Variants in IQGAP1 observed in about 807,000 individuals in gnomAD.
IQGAP1 encodes the protein IQ motif containing GTPase activating protein 1.
In IQGAP1, 66 loss-of-function variants were observed where a neutral mutation model predicts 215.6. The ratio of observed to expected loss-of-function variants is 0.31; its 90% CI spans 0.25 to 0.38. The LOEUF is 0.38. Ranked by LOEUF, IQGAP1 falls within the 10% of genes least tolerant of loss-of-function variation. IQGAP1 has a pLI of 1.00. For synonymous variants in IQGAP1, 772 were observed against 728.7 expected (o/e 1.06, Z -0.96); for missense variants, 1,712 against 1,997.1 (o/e 0.86, Z 2.72).
At chr15:90,391,135 G>C (rs1286396285) in intron 2 of IQGAP1, 2 of 308,474 alleles carry the variant, frequency 6.5e-6, no homozygotes, top group South Asian at 3.4e-5. Context: ...CTACTCGGGA[G>C]CCTGAGGAGG....
In IQGAP1 at chr15:90,499,960, ATGTTTTGTTT is replaced by A. The variant is rs58482365; in HGVS notation, c.4861-15_4861-6del. Reference sequence around the variant, plus strand: ...TCCACAGACTTGATTAACTGTCAAAATGTTTTGTTTTGTTTTGTTTTGTTTTGTTAATAGG... The same window carrying A: ...TCCACAGACTTGATTAACTGTCAAAATGTTTTGTTTTGTTTTGTTAATAGG... On this transcript the variant is annotated intron_variant, in intron 37 of 37. Coordinates refer to ENST00000268182, the MANE Select transcript of IQGAP1 (RefSeq NM_003870.4). The A allele has an allele frequency of 0.51, 598,269 of 1,166,462 alleles. 159,502 individuals carry two copies. The highest frequency in any genetic ancestry group is 0.57 in the Non-Finnish European group (443,642 of 778,352). The allele number at this position is 1,166,462 out of a possible 1,614,324, so 72.3% of individuals were successfully genotyped here. A position where few individuals can be genotyped will look rare whatever the true frequency, so the allele number is the denominator to read the frequency against.
intron 2 of IQGAP1, among the ~76,000 whole-genome samples, chr15:90,394,371 C>A (rs979505905): frequency 6.6e-6 from 1 of 152,012 alleles, no homozygotes; most frequent in South Asian, 2.1e-4. Context: ...TTGGAAGCAC[C>A]TATTTAGATT....
intron 2 of IQGAP1, among the ~76,000 whole-genome samples, chr15:90,395,330 T>C (rs963573431): frequency 6.6e-6 from 1 of 150,896 alleles, no homozygotes; most frequent in Non-Finnish European, 1.5e-5. Flanking sequence ...TGTTTTTTTG[T>C]TTTTTTTTGA....
At chr15:90,448,869 T>G (rs191910414) in intron 10 of IQGAP1, 133 bp downstream of exon 10, 1 of 788,006 alleles carries the variant, frequency 1.3e-6, no homozygotes, top group East Asian at 3.4e-5. Context: ...TAAATTAGTT[T>G]AAAAAAAAAT....
chr15:90,462,624 A>G (rs1170239896), intron 15 of IQGAP1, among the ~76,000 whole-genome samples: 1 of 152,200 alleles, frequency 6.6e-6, no homozygotes, highest in Non-Finnish European at 1.5e-5. Flanking sequence ...AGTGATGAGA[A>G]GTGCCCTTTA....
chr15:90,418,171 C>T (rs572221965), intron 2 of IQGAP1, among the ~76,000 whole-genome samples: 3 of 151,570 alleles, frequency 2.0e-5, no homozygotes, highest in African/African-American at 2.4e-5. Context: ...GTAGTCAGTT[C>T]GAAATGTTTC....
At chr15:90,397,510 C>CTTTTTTTTTTT (rs892748490) in intron 2 of IQGAP1, among the ~76,000 whole-genome samples, 1 of 106,406 alleles carries the variant, frequency 9.4e-6, no homozygotes, top group African/African-American at 4.0e-5. Context: ...ACTCAACAAA[C>CTTTTTTTTTTT]TTTTTTTTTT....
intron 33 of IQGAP1, 41 bp from the exon 34 acceptor site, chr15:90,491,292 G>A: frequency 6.6e-7 from 1 of 1,515,714 alleles, no homozygotes; most frequent in Non-Finnish European, 9.2e-7. Flanking sequence ...TTTAGGATTA[G>A]TGTGGTAAAC....
intron 2 of IQGAP1, among the ~76,000 whole-genome samples, chr15:90,408,504 C>A (rs1817694664): frequency 6.6e-6 from 1 of 151,950 alleles, no homozygotes; most frequent in African/African-American, 2.4e-5. Flanking sequence ...TATAAAGTGC[C>A]ATAAGAAAGT....
chr15:90,443,541 A>T (rs1341805907), intron 9 of IQGAP1, 63 bp downstream of exon 9: 1 of 930,828 alleles, frequency 1.1e-6, no homozygotes, highest in South Asian at 1.5e-5. Context: ...ATGTTGATCT[A>T]TTCTGGGACT....
chr15:90,484,797 C>T (rs370390266), intron 30 of IQGAP1, among the ~76,000 whole-genome samples: 5 of 152,298 alleles, frequency 3.3e-5, no homozygotes, highest in African/African-American at 1.2e-4. Flanking sequence ...GCGTGAGCCA[C>T]CACGCCTGGC....
chr15:90,486,290 C>T (rs775446329), intron 31 of IQGAP1, 158 bp downstream of exon 31: 7 of 545,716 alleles, frequency 1.3e-5, no homozygotes, highest in Non-Finnish European at 2.0e-5. Context: ...GAGAAAACAA[C>T]AACAACAACA....
intron 13 of IQGAP1, 37 bp from the exon 14 acceptor site, chr15:90,454,391 G>T: frequency 6.2e-7 from 1 of 1,611,892 alleles, no homozygotes; most frequent in South Asian, 1.1e-5. Context: ...TAAACATGCT[G>T]TGCTTAATGC....
At chr15:90,483,317 T>C (rs2151035921) in intron 28 of IQGAP1, 44 bp from the exon 29 acceptor site, 1 of 1,391,594 alleles carries the variant, frequency 7.2e-7, no homozygotes, top group Non-Finnish European at 1.0e-6. Flanking sequence ...GCTTCCTTGG[T>C]GGTATGTCTT....
chr15:90,419,762 A>C (rs1965107020), intron 2 of IQGAP1, among the ~76,000 whole-genome samples: 1 of 152,202 alleles, frequency 6.6e-6, no homozygotes, highest in Non-Finnish European at 1.5e-5. Flanking sequence ...TTGAAAAAGC[A>C]TAATAAAATA....
chr15:90,462,111 T>G (rs1965772475), intron 15 of IQGAP1, among the ~76,000 whole-genome samples: 2 of 151,808 alleles, frequency 1.3e-5, no homozygotes, highest in Admixed American at 6.6e-5. Flanking sequence ...GAGCTTGCAG[T>G]GAGCCAAGAT....
intron 2 of IQGAP1, among the ~76,000 whole-genome samples, chr15:90,417,230 T>A (rs969452279): frequency 1.8e-4 from 27 of 152,356 alleles, no homozygotes; most frequent in African/African-American, 6.5e-4. Flanking sequence ...CATTTGTCAA[T>A]TTTGGCTTTT....
chr15:90,489,626 T>C (rs1227249973), intron 33 of IQGAP1, among the ~76,000 whole-genome samples: 6 of 152,250 alleles, frequency 3.9e-5, no homozygotes, highest in Non-Finnish European at 8.8e-5. Flanking sequence ...GACTCTGTGA[T>C]GCCTCTGGCA....
intron 18 of IQGAP1, among the ~76,000 whole-genome samples, chr15:90,469,248 C>CATT (rs1319883912): frequency 2.0e-5 from 3 of 151,770 alleles, no homozygotes; most frequent in Non-Finnish European, 1.5e-5. Flanking sequence ...TACTAACAGA[C>CATT]ATTCAGGATT....
Sources: gnomAD v4.1 joint callset for allele counts (sites outside exome capture counted in the v4.1 genomes callset) on GRCh38, gnomAD v4.1.1 for gene constraint, MANE v1.5 for transcripts, NCBI Gene and HGNC (gene_info 2026-07-23, HGNC 2026-07-21) for gene names.